NCS1: variants seen among roughly 807,000 people sequenced by gnomAD.
The protein encoded by NCS1 is frequenin homolog.
In NCS1, 6 loss-of-function variants were observed where a neutral mutation model predicts 28.4. The observed-to-expected ratio is 0.21, with a 90% CI of 0.12 to 0.42. NCS1 has a LOEUF of 0.42. Ranked by LOEUF, NCS1 falls within the 10% of genes least tolerant of loss-of-function variation. The probability of loss-of-function intolerance (pLI) is 1.00; values close to 1 mark genes in which losing one functional copy is unlikely to be tolerated. For missense variants in NCS1, 131 were observed against 241.4 expected (o/e 0.54, Z 3.03); for synonymous variants, 86 against 99.3 (o/e 0.87, Z 0.79).
intron 1 of NCS1, among the ~76,000 whole-genome samples, chr9:130,185,835 C>G (rs1347556784): frequency 6.6e-6 from 1 of 152,270 alleles, no homozygotes; most frequent in Non-Finnish European, 1.5e-5. Context: ...CCCACACAGC[C>G]TTGCCGGGCC....
chr9:130,230,844 T>A (rs1833492034), intron 7 of NCS1, among the ~76,000 whole-genome samples: 1 of 132,712 alleles, frequency 7.5e-6, no homozygotes, highest in Non-Finnish European at 1.6e-5. Context: ...ATTCAAGACA[T>A]CATCATACTT....
rs10988637 is a variant in NCS1 at position 130,204,749 on chromosome 9, G to A, written c.89+3767G>A. Among the ~76,000 whole-genome samples the A allele has an allele frequency of 1.6e-3, 236 of 152,250 alleles. 6 individuals are homozygous for A. In the East Asian group the frequency reaches 0.037, roughly 24 times the overall value. On this transcript the variant is annotated intron_variant, in intron 2 of 7. Transcript: ENST00000372398. ...ATAAATGTGCTAATTCACATAAGAC[G>A]TTTGGAACAGAGTCTAGGAAACATT...
Position 130,192,835 on chromosome 9 carries a change from C to T in NCS1, c.65-8123C>T, listed in dbSNP as rs1832834496. On this transcript the variant is annotated intron_variant, in intron 1 of 7. Transcript: ENST00000372398. This position sits in a 1 kb window ranked among gnomAD's most constrained non-coding sequence, Gnocchi z 4.8. ...TTCCCAGCCCTCGAGTGTAGCAGGACCCCAGTGGGAACCCCACAGGTGTTT... is the reference window on the plus strand; with the variant it reads ...TTCCCAGCCCTCGAGTGTAGCAGGATCCCAGTGGGAACCCCACAGGTGTTT... Among the ~76,000 whole-genome samples, 2 of 152,258 alleles carry T rather than the reference C, an allele frequency of 1.3e-5. No individual in the cohort carries two copies. The highest frequency in any genetic ancestry group is 2.9e-5 in the Non-Finnish European group (2 of 68,014).
chr9:130,225,817 G>A (rs1195311796), intron 6 of NCS1, among the ~76,000 whole-genome samples: 1 of 152,186 alleles, frequency 6.6e-6, no homozygotes. Context: ...GCTCTCCGTG[G>A]CCTTTTCCTT....
chr9:130,184,659 G>A (rs782299313), intron 1 of NCS1, among the ~76,000 whole-genome samples: 11 of 151,704 alleles, frequency 7.3e-5, no homozygotes, highest in African/African-American at 1.9e-4. Flanking sequence ...ACAGAGTCTC[G>A]CTCTGTCACC....
chr9:130,225,550 G>C (rs1173386640), intron 6 of NCS1, among the ~76,000 whole-genome samples: 1 of 152,252 alleles, frequency 6.6e-6, no homozygotes, highest in Non-Finnish European at 1.5e-5. Flanking sequence ...ACACTGACTG[G>C]GGTGTGAATC....
chr9:130,219,704 A>G lies in NCS1; in HGVS notation c.229-21A>G. The G allele has an allele frequency of 6.2e-7, 1 of 1,613,430 alleles. No homozygotes were observed. Among genetic ancestry groups the G allele is most frequent in the Non-Finnish European group, 8.5e-7 (1 of 1,179,416 alleles). ...GGCCTGGCCGGCACTGACTGAGGCA[A>G]TCCCCTCTCTCTCCTGTCAGGACGG... On this transcript the variant is annotated intron_variant, in intron 3 of 7. Transcript: ENST00000372398. This position sits in a 1 kb window ranked among gnomAD's most constrained non-coding sequence, Gnocchi z 5.7.
At chr9:130,196,740 C>CA (rs1230919076) in intron 1 of NCS1, among the ~76,000 whole-genome samples, 48 of 150,122 alleles carry the variant, frequency 3.2e-4, no homozygotes, top group Middle Eastern at 3.4e-3. Flanking sequence ...GGAGACTCCT[C>CA]AAAAAAAAAG....
At chr9:130,176,611 G>C (rs1196445771) in intron 1 of NCS1, among the ~76,000 whole-genome samples, 1 of 152,186 alleles carries the variant, frequency 6.6e-6, no homozygotes, top group East Asian at 1.9e-4. Context: ...TGGTCTTTGT[G>C]CCTGGCACAC....
intron 1 of NCS1, among the ~76,000 whole-genome samples, chr9:130,183,610 C>A (rs1368359257): frequency 6.6e-6 from 1 of 152,124 alleles, no homozygotes; most frequent in African/African-American, 2.4e-5. Flanking sequence ...ACAGCCCTAG[C>A]CTTTGGGGAT....
At position 130,181,628 on chromosome 9, in the gene NCS1, T is replaced by TCCGCACA. The variant is rs1832656162; in HGVS notation, c.64+8902_64+8903insCGCACAC. On this transcript the variant is annotated intron_variant, in intron 1 of 7. Coordinates refer to ENST00000372398, the MANE Select transcript of NCS1 (RefSeq NM_014286.4). The surrounding 1 kb of genome is among the most constrained non-coding windows in gnomAD (Gnocchi z 5.0). ...ATCCCCGTCCCCTCTCAGCCTGGAG[T>TCCGCACA]CTGCACACTGAAGCCCTGGGCCGCG... Among the ~76,000 whole-genome samples the TCCGCACA allele has an allele frequency of 2.6e-5, 4 of 151,874 alleles. No homozygotes were observed. Among genetic ancestry groups the TCCGCACA allele is most frequent in the African/African-American group, 9.7e-5 (4 of 41,352 alleles).
rs1832817367 is a variant in NCS1 at position 130,191,637 on chromosome 9, C to T, written c.65-9321C>T. ...AGACAGATACAGCAACAGCCCATGG[C>T]CCCCTGGGCTGTGTGAGACGCTAAT... On this transcript the variant is annotated intron_variant, in intron 1 of 7. Coordinates refer to ENST00000372398, the MANE Select transcript of NCS1 (RefSeq NM_014286.4). This position sits in a 1 kb window ranked among gnomAD's most constrained non-coding sequence, Gnocchi z 6.4. Among the ~76,000 whole-genome samples, 1 of 152,196 alleles carries T rather than the reference C, an allele frequency of 6.6e-6. No individual in the cohort carries two copies. Among genetic ancestry groups the T allele is most frequent in the African/African-American group, 2.4e-5 (1 of 41,458 alleles).
In NCS1 at chr9:130,232,900, A is replaced by G. The variant is rs1554912317; in HGVS notation, c.*18-90A>G. ...CTTGCCATCTATCGACCTTCCTGCC[A>G]GCTCTCTGTGCCTATCCTCCGTGGC... On this transcript the variant is annotated intron_variant, in intron 7 of 7. Coordinates refer to ENST00000372398, the MANE Select transcript of NCS1 (RefSeq NM_014286.4). The surrounding 1 kb of genome is among the most constrained non-coding windows in gnomAD (Gnocchi z 4.4). 6.5e-6 allele frequency: 1 copy of G among 152,704 alleles called. No homozygotes were observed. Among genetic ancestry groups the G allele is most frequent in the Non-Finnish European group, 1.5e-5 (1 of 68,120 alleles). The allele number at this position is 152,704 out of a possible 1,614,324, so 9.5% of individuals were successfully genotyped here.
intron 2 of NCS1, among the ~76,000 whole-genome samples, chr9:130,212,241 G>A (rs112483224): frequency 5.9e-5 from 9 of 152,212 alleles, no homozygotes; most frequent in South Asian, 2.1e-4. Flanking sequence ...TGCTTATGGC[G>A]GATCCCCTGA....
intron 2 of NCS1, among the ~76,000 whole-genome samples, chr9:130,214,590 T>A (rs1833158688): frequency 6.6e-6 from 1 of 151,858 alleles, no homozygotes; most frequent in Admixed American, 6.6e-5. Flanking sequence ...AGGCACTTGA[T>A]CAGATATCGT....
intron 2 of NCS1, 94 bp downstream of exon 2, chr9:130,201,076 A>G (rs1554907439): frequency 6.5e-7 from 1 of 1,545,692 alleles, no homozygotes; most frequent in East Asian, 2.2e-5. Flanking sequence ...GCTGCTCAGG[A>G]TGGGGGCATG....
At chr9:130,224,229 T>C (rs1177565163) in intron 6 of NCS1, among the ~76,000 whole-genome samples, 1 of 138,592 alleles carries the variant, frequency 7.2e-6, no homozygotes, top group Non-Finnish European at 1.5e-5. Context: ...CCGAGGCGGG[T>C]GAATCACCTG....
Position 130,228,349 on chromosome 9 carries a change from T to TA in NCS1, c.*17+1855dup, listed in dbSNP as rs148379712. Among the ~76,000 whole-genome samples, 1,469 of 148,368 alleles carry TA rather than the reference T, an allele frequency of 9.9e-3. 18 individuals are homozygous for TA. The highest frequency in any genetic ancestry group is 0.038 in the East Asian group (194 of 5,096). On this transcript the variant is annotated intron_variant, in intron 7 of 7. Transcript: ENST00000372398. Reference sequence around the variant, plus strand: ...CATTTGCCACCATATCTGGCTAATTTAAAAAAAAAAGTGTTTTTTTTGTTT... The same window carrying TA: ...CATTTGCCACCATATCTGGCTAATTTAAAAAAAAAAAGTGTTTTTTTTGTTT...
chr9:130,219,726 A>T lies in NCS1; in HGVS notation c.230A>T (p.Asp77Val), dbSNP rs1554909949. 6.2e-7 allele frequency: 1 copy of T among 1,614,004 alleles called. No homozygotes were observed. Among genetic ancestry groups the T allele is most frequent in the Non-Finnish European group, 8.5e-7 (1 of 1,180,020 alleles). ...FVFNVFDENK[D>V]GRIEFSEFIQ... Reference sequence around the variant, plus strand: ...GCAATCCCCTCTCTCTCCTGTCAGGACGGGCGAATTGAGTTCTCCGAGTTC... The same window carrying T: ...GCAATCCCCTCTCTCTCCTGTCAGGTCGGGCGAATTGAGTTCTCCGAGTTC... Residue 77 changes from aspartate to valine, a missense_variant and splice_region_variant, in exon 4 of 8, where the codon GAC becomes GTC. Asp to Val is a radical substitution (Grantham distance 152). This residue lies in a region of NCS1 where 100 missense variants were observed against 210.3 expected (regional missense o/e 0.48). Transcript: ENST00000372398. The surrounding 1 kb of genome is among the most constrained non-coding windows in gnomAD (Gnocchi z 5.7).
Sources: allele counts gnomAD v4.1 joint callset (sites outside exome capture counted in the v4.1 genomes callset), GRCh38; gene constraint gnomAD v4.1.1; regional missense constraint gnomAD v4.1.1; non-coding constraint Gnocchi (gnomAD v3.1); transcripts MANE v1.5; gene names NCBI Gene and HGNC (gene_info 2026-07-23, HGNC 2026-07-21).